The following ASB13 variants were observed in gnomAD, a reference collection of about 807,000 sequenced individuals.
ASB13 encodes ankyrin repeat and SOCS box containing 13.
In ASB13, 33 loss-of-function variants were observed where a neutral mutation model predicts 28.8. The observed-to-expected ratio is 1.15, with a 90% confidence interval of 0.87 to 1.53. The LOEUF is 1.53. Among genes scored for constraint, ASB13 ranks in the 40% most tolerant of loss-of-function variants. The probability of loss-of-function intolerance (pLI) is 0.00; values close to 1 mark genes in which losing one functional copy is unlikely to be tolerated. For synonymous variants in ASB13, 182 were observed against 172.9 expected (o/e 1.05, Z -0.41); for missense variants, 414 against 390.1 (o/e 1.06, Z -0.52).
rs913558076 is a variant in ASB13 at position 5,650,860 on chromosome 10, C to T, written c.382+353G>A. Among the ~76,000 whole-genome samples the T allele has an allele frequency of 6.6e-6, 1 of 152,162 alleles. No homozygotes were observed. Among genetic ancestry groups the T allele is most frequent in the South Asian group, 2.1e-4 (1 of 4,832 alleles). ...AGGCTGTTGGGACACGTTTCTCTGT[C>T]GTCTCCCATCTCAATCAGGGGCCTG... is the stretch of plus-strand genomic sequence containing the variant. On this transcript the variant is annotated intron_variant, in intron 3 of 5. Coordinates refer to ENST00000357700, the MANE Select transcript of ASB13 (RefSeq NM_024701.4). The surrounding 1 kb of genome is among the most constrained non-coding windows in gnomAD (Gnocchi z 6.0).
chr10:5,646,585 G>A (rs1175773971), intron 4 of ASB13, among the ~76,000 whole-genome samples: 1 of 152,164 alleles, frequency 6.6e-6, no homozygotes, highest in African/African-American at 2.4e-5. Context: ...GTGACACCAC[G>A]GAACCTCCGG....
In ASB13 at chr10:5,640,788, C is replaced by A. The variant is rs752692423; in HGVS notation, c.752G>T (p.Arg251Met). The change falls in exon 6 of 6, where the codon AGG (arginine) becomes ATG (methionine). Residue 251 changes from arginine (R) to methionine (M), a missense_variant. Transcript: ENST00000357700. ...TLSQLCRVNL[R>M]KATGVRGLEK... ...CAGCCCTCGGACGCCAGTGGCCTTC[C>A]TCAAGTTCACCCTGCAGAGCTGTGA... 1 of 1,614,138 alleles carries A rather than the reference C, an allele frequency of 6.2e-7. No individual in the cohort carries two copies. Among genetic ancestry groups the A allele is most frequent in the Non-Finnish European group, 8.5e-7 (1 of 1,180,012 alleles).
rs181092067 is a variant in ASB13, at chr10:5,650,416, G to C, written c.382+797C>G. On this transcript the variant is annotated intron_variant, in intron 3 of 5. Coordinates refer to ENST00000357700, the MANE Select transcript of ASB13 (RefSeq NM_024701.4). This position sits in a 1 kb window ranked among gnomAD's most constrained non-coding sequence, Gnocchi z 6.0. ...GGCCTGCAGACATGGAAAGACCTAC[G>C]AGCAGGAATCAGGGGTGAGCCACAT... Among the ~76,000 whole-genome samples the C allele has an allele frequency of 6.6e-6, 1 of 152,078 alleles. No individual in the cohort carries two copies. The highest frequency in any genetic ancestry group is 1.5e-5 in the Non-Finnish European group (1 of 68,016).
rs72772145 is a variant in ASB13 at position 5,650,345 on chromosome 10, C to T, written c.382+868G>A. Among the ~76,000 whole-genome samples, 16,586 of 152,214 alleles carry T rather than the reference C, an allele frequency of 0.11. 1,053 individuals are homozygous for T. The highest frequency in any genetic ancestry group is 0.16 in the African/African-American group (6,804 of 41,500). On this transcript the variant is annotated intron_variant, in intron 3 of 5. Coordinates refer to ENST00000357700, the MANE Select transcript of ASB13 (RefSeq NM_024701.4). This position sits in a 1 kb window ranked among gnomAD's most constrained non-coding sequence, Gnocchi z 6.0. ...CCCCAAATTCTGTTTTCCTGACCCT[C>T]GACATCTGCTCAGAAACCTTCAAGA...
chr10:5,665,201 T>C (rs1171758623), intron 1 of ASB13, among the ~76,000 whole-genome samples: 1 of 152,176 alleles, frequency 6.6e-6, no homozygotes, highest in Non-Finnish European at 1.5e-5. Flanking sequence ...ACATCCAGAA[T>C]TTGAGGTCAG....
rs763522673 is a variant in ASB13 at position 5,640,686 on chromosome 10, C to T, written c.*17G>A. The T allele has an allele frequency of 7.4e-6, 12 of 1,613,774 alleles. No homozygotes were observed. The highest frequency in any genetic ancestry group is 1.6e-4 in the Middle Eastern group (1 of 6,080). Reference sequence around the variant, plus strand: ...GGGCACAACGGGGGCAGCCACGGTCCGGACCCCACCTGCAATTCAGTTGTA... The same window carrying T: ...GGGCACAACGGGGGCAGCCACGGTCTGGACCCCACCTGCAATTCAGTTGTA... On this transcript the variant is annotated 3_prime_UTR_variant, in exon 6 of 6. Transcript: ENST00000357700.
chr10:5,650,817 C>T lies in ASB13; in HGVS notation c.382+396G>A, dbSNP rs181986915. ...GACCAGCACTGTTTTGAGAGCACCA[C>T]GCACAGCCTCCTGGCCCAGGCTGTT... On this transcript the variant is annotated intron_variant, in intron 3 of 5. Coordinates refer to ENST00000357700, the MANE Select transcript of ASB13 (RefSeq NM_024701.4). The surrounding 1 kb of genome is among the most constrained non-coding windows in gnomAD (Gnocchi z 6.0). 5.5e-4 allele frequency among the ~76,000 whole-genome samples: 84 copies of T among 152,344 alleles called. No homozygotes were observed. Among genetic ancestry groups the T allele is most frequent in the Middle Eastern group, 6.8e-3 (2 of 294 alleles).
In ASB13 at chr10:5,642,833, C is replaced by T. The variant is rs761683795; in HGVS notation, c.518-872G>A. ...CTAATTTTTCTATTTTTTGTAGAGACGGGGTTTTGCCGTGTTGGCCAGGTT... is the reference window on the plus strand; with the variant it reads ...CTAATTTTTCTATTTTTTGTAGAGATGGGGTTTTGCCGTGTTGGCCAGGTT... On this transcript the variant is annotated intron_variant, in intron 4 of 5. Transcript: ENST00000357700. This position sits in a 1 kb window ranked among gnomAD's most constrained non-coding sequence, Gnocchi z 4.1. 4.3e-4 allele frequency among the ~76,000 whole-genome samples: 65 copies of T among 151,952 alleles called. No individual in the cohort carries two copies. Among genetic ancestry groups the T allele is most frequent in the Non-Finnish European group, 8.1e-4 (55 of 67,980 alleles).
chr10:5,651,445 T>A lies in ASB13; in HGVS notation c.232-82A>T. ...TCCCATCCTGCTGCAGGTTCATCTT[T>A]GCTAAGATGCTTCTTAGAAGCACCG... On this transcript the variant is annotated intron_variant, in intron 2 of 5. Transcript: ENST00000357700. This position sits in a 1 kb window ranked among gnomAD's most constrained non-coding sequence, Gnocchi z 5.1. 1 of 1,400,610 alleles carries A rather than the reference T, an allele frequency of 7.1e-7. No individual in the cohort carries two copies. Among genetic ancestry groups the A allele is most frequent in the Non-Finnish European group, 9.6e-7 (1 of 1,043,510 alleles). 86.8% of individuals were successfully genotyped at this position (1,400,610 alleles called of 1,614,324 possible).
At position 5,641,846 on chromosome 10, in the gene ASB13, C is replaced by G. The variant is rs1834812058; in HGVS notation, c.633G>C (p.Arg211=). 6.8e-6 allele frequency: 11 copies of G among 1,613,690 alleles called. No homozygotes were observed. Among genetic ancestry groups the G allele is most frequent in the Admixed American group, 1.7e-5 (1 of 59,970 alleles). Residue 211 remains arginine (R), a synonymous_variant, in exon 5 of 6, where the codon CGG becomes CGC. Coordinates refer to ENST00000357700, the MANE Select transcript of ASB13 (RefSeq NM_024701.4). This position sits in a 1 kb window ranked among gnomAD's most constrained non-coding sequence, Gnocchi z 8.4. ...LIEFGGNIYA[R]DNRGKKPSDY... ...CAGACGGCTTCTTCCCGCGGTTGTC[C>G]CGGGCGTAGATGTTGCCGCCAAACT... is the stretch of plus-strand genomic sequence containing the variant.
chr10:5,647,309 G>C (rs1834900058), intron 4 of ASB13, among the ~76,000 whole-genome samples: 1 of 152,204 alleles, frequency 6.6e-6, no homozygotes, highest in Non-Finnish European at 1.5e-5. Context: ...ATTTGGATAA[G>C]ATGATGAAAC....
chr10:5,660,912 T>C lies in ASB13; in HGVS notation c.43+5597A>G, dbSNP rs1835148944. Among the ~76,000 whole-genome samples the C allele has an allele frequency of 6.6e-6, 1 of 152,272 alleles. No homozygotes were observed. The highest frequency in any genetic ancestry group is 2.4e-5 in the African/African-American group (1 of 41,544). Reference sequence around the variant, plus strand: ...AGCCACCCAGCAGTGTGCCGGGCCATCTCGCCAGCTGGCTGCTGCACAGCC... The same window carrying C: ...AGCCACCCAGCAGTGTGCCGGGCCACCTCGCCAGCTGGCTGCTGCACAGCC... On this transcript the variant is annotated intron_variant, in intron 1 of 5. Transcript: ENST00000357700. The surrounding 1 kb of genome is among the most constrained non-coding windows in gnomAD (Gnocchi z 6.1).
intron 1 of ASB13, 84 bp downstream of exon 1, chr10:5,666,425 C>G: frequency 8.5e-7 from 1 of 1,176,766 alleles, no homozygotes; most frequent in East Asian, 3.5e-5. Flanking sequence ...CCACCACCTC[C>G]CCGGCGCAGG....
chr10:5,663,125 A>C lies in ASB13; in HGVS notation c.43+3384T>G, dbSNP rs1835203076. On this transcript the variant is annotated intron_variant, in intron 1 of 5. Transcript: ENST00000357700. The surrounding 1 kb of genome is among the most constrained non-coding windows in gnomAD (Gnocchi z 4.9). ...ACTGATTTTAAGATGTGTTCAATGA[A>C]GCAAAAATGCCAGTATTTGCCTTCT... 6.6e-6 allele frequency among the ~76,000 whole-genome samples: 1 copy of C among 152,224 alleles called. No homozygotes were observed. The highest frequency in any genetic ancestry group is 1.5e-5 in the Non-Finnish European group (1 of 68,038).
At position 5,642,571 on chromosome 10, in the gene ASB13, TA is replaced by T. The variant is rs61006671; in HGVS notation, c.518-611del. ...TCATCAAGCTGATTAAAAGTAAAGG[TA>T]AAAAAAAATTTTTTTTTAAAAAAAA... On this transcript the variant is annotated intron_variant, in intron 4 of 5. Coordinates refer to ENST00000357700, the MANE Select transcript of ASB13 (RefSeq NM_024701.4). The surrounding 1 kb of genome is among the most constrained non-coding windows in gnomAD (Gnocchi z 4.1). 5.2e-5 allele frequency: 60 copies of T among 1,157,644 alleles called. No homozygotes were observed. Among genetic ancestry groups the T allele is most frequent in the Admixed American group, 1.4e-4 (4 of 29,480 alleles). 71.7% of individuals were successfully genotyped at this position (1,157,644 alleles called of 1,614,324 possible). A position where few individuals can be genotyped will look rare whatever the true frequency, so the allele number is the denominator to read the frequency against.
intron 1 of ASB13, among the ~76,000 whole-genome samples, chr10:5,665,544 G>A (rs566987640): frequency 6.6e-6 from 1 of 152,288 alleles, no homozygotes; most frequent in African/African-American, 2.4e-5. Flanking sequence ...GCTATTCACT[G>A]CTTACTCAAT....
rs542778680 is a variant in ASB13, at chr10:5,645,276, A to C, written c.518-3315T>G. Among the ~76,000 whole-genome samples, 24 of 152,134 alleles carry C rather than the reference A, an allele frequency of 1.6e-4. No homozygotes were observed. The East Asian group carries it at 3.1e-3, about 20-fold the overall frequency. On this transcript the variant is annotated intron_variant, in intron 4 of 5. Transcript: ENST00000357700. The surrounding 1 kb of genome is among the most constrained non-coding windows in gnomAD (Gnocchi z 5.4). The stretch of plus-strand genomic sequence containing the variant: ...TAAATTTAAAAAATTATAATTAAAA[A>C]ATTTTTTAAAAATTAAACAACAATT...
At position 5,658,024 on chromosome 10, in the gene ASB13, C is replaced by A. The variant is rs1320498481; in HGVS notation, c.44-4974G>T. ...TTAGCCAGGCATGGTGGCTGTAATC[C>A]ATGGTGCTTCAGTAGTGCCAGCTAC... On this transcript the variant is annotated intron_variant, in intron 1 of 5. Transcript: ENST00000357700. This position sits in a 1 kb window ranked among gnomAD's most constrained non-coding sequence, Gnocchi z 4.2. 6.6e-6 allele frequency among the ~76,000 whole-genome samples: 1 copy of A among 151,928 alleles called. No homozygotes were observed. Among genetic ancestry groups the A allele is most frequent in the African/African-American group, 2.4e-5 (1 of 41,336 alleles).
In ASB13 at chr10:5,656,789, C is replaced by T. The variant is rs1263666988; in HGVS notation, c.44-3739G>A. ...GATCAAGGACAAAGATGTTCCCAACCTCCTAGGACCTTCACTGGTGCCCAG... is the reference window on the plus strand; with the variant it reads ...GATCAAGGACAAAGATGTTCCCAACTTCCTAGGACCTTCACTGGTGCCCAG... On this transcript the variant is annotated intron_variant, in intron 1 of 5. Transcript: ENST00000357700. This position sits in a 1 kb window ranked among gnomAD's most constrained non-coding sequence, Gnocchi z 4.3. Among the ~76,000 whole-genome samples the T allele has an allele frequency of 6.6e-6, 1 of 152,202 alleles. No homozygotes were observed. Among genetic ancestry groups the T allele is most frequent in the Non-Finnish European group, 1.5e-5 (1 of 68,016 alleles).
Sources: gnomAD v4.1 joint callset for allele counts (sites outside exome capture counted in the v4.1 genomes callset) on GRCh38, gnomAD v4.1.1 for gene constraint, Gnocchi (gnomAD v3.1) non-coding constraint, MANE v1.5 for transcripts, NCBI Gene and HGNC (gene_info 2026-07-23, HGNC 2026-07-21) for gene names.